CDH13: variants seen among roughly 807,000 people sequenced by gnomAD.
CDH13 encodes the protein cadherin-13.
A neutral mutation model predicts 63.8 loss-of-function variants in CDH13; 24 were observed. That is an observed-to-expected ratio of 0.38 (90% CI 0.27 to 0.53). The LOEUF is 0.53. CDH13 is among the 20% of genes least tolerant of loss of function. The pLI, the probability that CDH13 is intolerant of heterozygous loss-of-function variation, is 0.85. For synonymous variants in CDH13, 503 were observed against 355.3 expected (o/e 1.42, Z -4.67); for missense variants, 1,049 against 903.1 (o/e 1.16, Z -2.07).
rs115094183 is a variant in CDH13, at chr16:83,561,159, A to G, written c.961-41295A>G. Among the ~76,000 whole-genome samples the G allele has an allele frequency of 6.7e-3, 1,017 of 152,074 alleles. 16 individuals carry two copies. The highest frequency in any genetic ancestry group is 0.023 in the African/African-American group (972 of 41,478). On this transcript the variant is annotated intron_variant, in intron 7 of 13. Coordinates refer to ENST00000567109, the MANE Select transcript of CDH13 (RefSeq NM_001257.5). ...TTCTTCTCTCATTCCTTCAAAAGAG[A>G]CTTCAGGCCGGGCGCAGTGGCTCAC...
chr16:82,825,104 C>T (rs991623934), intron 1 of CDH13: 1 of 152,184 alleles, frequency 6.6e-6, no homozygotes, highest in African/African-American at 2.4e-5. Context: ...AGAAGTTCAT[C>T]ATACGAATCT....
intron 1 of CDH13, among the ~76,000 whole-genome samples, chr16:82,648,857 A>T (rs545554508): frequency 1.3e-5 from 2 of 152,358 alleles, no homozygotes; most frequent in Non-Finnish European, 2.9e-5. Context: ...AGAAAAATTA[A>T]TCTGGGGGCA....
intron 1 of CDH13, among the ~76,000 whole-genome samples, chr16:82,638,083 C>T (rs1908907444): frequency 6.6e-6 from 1 of 152,184 alleles, no homozygotes; most frequent in Non-Finnish European, 1.5e-5. Flanking sequence ...TCCTTTGCTC[C>T]TTTGCTTCCT....
intron 1 of CDH13, among the ~76,000 whole-genome samples, chr16:82,643,308 C>T (rs1909647690): frequency 6.6e-6 from 1 of 152,228 alleles, no homozygotes; most frequent in Non-Finnish European, 1.5e-5. Flanking sequence ...CACACACCAC[C>T]TGTCTTACAG....
chr16:83,225,165 G>C (rs141570547), intron 5 of CDH13, among the ~76,000 whole-genome samples: 1 of 152,274 alleles, frequency 6.6e-6, no homozygotes, highest in Non-Finnish European at 1.5e-5. Flanking sequence ...GCTCACTGTA[G>C]TTGGAGGAAC....
At chr16:82,830,079 AT>A (rs2038459633) in intron 1 of CDH13, among the ~76,000 whole-genome samples, 1 of 152,180 alleles carries the variant, frequency 6.6e-6, no homozygotes, top group African/African-American at 2.4e-5. Context: ...TAAAAATGTT[AT>A]TGTTACTACT....
intron 2 of CDH13, among the ~76,000 whole-genome samples, chr16:82,865,276 C>G (rs571146576): frequency 6.6e-6 from 1 of 152,324 alleles, no homozygotes; most frequent in African/African-American, 2.4e-5. Context: ...AGGCTGTGCC[C>G]CAGTGGGGAC....
At chr16:82,687,598 C>G (rs1332517679) in intron 1 of CDH13, among the ~76,000 whole-genome samples, 1 of 152,162 alleles carries the variant, frequency 6.6e-6, no homozygotes, top group Non-Finnish European at 1.5e-5. Context: ...GACTTATTCA[C>G]TATCACAAGA....
At chr16:83,576,590 A>G (rs1040852889) in intron 7 of CDH13, among the ~76,000 whole-genome samples, 1 of 152,242 alleles carries the variant, frequency 6.6e-6, no homozygotes, top group African/African-American at 2.4e-5. Context: ...GGTATTACAC[A>G]TAGCAGTGAT....
chr16:82,948,992 T>G (rs542454607), intron 2 of CDH13, among the ~76,000 whole-genome samples: 1 of 152,318 alleles, frequency 6.6e-6, no homozygotes, highest in Non-Finnish European at 1.5e-5. Context: ...GTAAACATCT[T>G]TCAACTCTAC....
In CDH13 at chr16:83,482,416, A is replaced by G. The variant is rs76956717; in HGVS notation, c.782-4061A>G. ...TGCAGAGAGACACCCTCTCTTGGAG[A>G]TTGATGCTGTAAGCGTGCTTAATAG... On this transcript the variant is annotated intron_variant, in intron 6 of 13. Coordinates refer to ENST00000567109, the MANE Select transcript of CDH13 (RefSeq NM_001257.5). Among the ~76,000 whole-genome samples, 1,209 of 152,276 alleles carry G rather than the reference A, an allele frequency of 7.9e-3. 9 individuals carry two copies. Among genetic ancestry groups the G allele is most frequent in the African/African-American group, 0.027 (1,119 of 41,538 alleles).
intron 11 of CDH13, among the ~76,000 whole-genome samples, chr16:83,776,264 T>C (rs757187802): frequency 6.6e-6 from 1 of 152,228 alleles, no homozygotes; most frequent in African/African-American, 2.4e-5. Context: ...CTTGTCTTCA[T>C]AATATATTCA....
intron 10 of CDH13, among the ~76,000 whole-genome samples, chr16:83,722,239 A>C (rs1461789532): frequency 6.6e-6 from 1 of 152,234 alleles, no homozygotes; most frequent in Middle Eastern, 3.2e-3. Flanking sequence ...CATCCCTGAA[A>C]TGGCAATAGT....
At chr16:83,614,976 C>A (rs1909163614) in intron 8 of CDH13, among the ~76,000 whole-genome samples, 1 of 152,120 alleles carries the variant, frequency 6.6e-6, no homozygotes, top group African/African-American at 2.4e-5. Flanking sequence ...GAAAGCTAAA[C>A]TTTTCTTTCT....
At chr16:82,786,815 C>T (rs1443128918) in intron 1 of CDH13, among the ~76,000 whole-genome samples, 2 of 152,072 alleles carry the variant, frequency 1.3e-5, no homozygotes, top group Non-Finnish European at 1.5e-5. Flanking sequence ...TCATTCATGT[C>T]CCTACAAAGG....
At chr16:83,571,176 T>C (rs920603760) in intron 7 of CDH13, among the ~76,000 whole-genome samples, 5 of 151,998 alleles carry the variant, frequency 3.3e-5, no homozygotes, top group Non-Finnish European at 5.9e-5. Context: ...AATTTCCCAG[T>C]GGAAATCTTC....
chr16:82,909,628 G>C (rs1258436881), intron 2 of CDH13, among the ~76,000 whole-genome samples: 1 of 152,218 alleles, frequency 6.6e-6, no homozygotes, highest in Admixed American at 6.5e-5. Flanking sequence ...GCAGGCAAGA[G>C]AGCTCATGCA....
chr16:82,690,644 C>A (rs1410067383), intron 1 of CDH13, among the ~76,000 whole-genome samples: 1 of 152,148 alleles, frequency 6.6e-6, no homozygotes, highest in Non-Finnish European at 1.5e-5. Flanking sequence ...ATATAGGTGA[C>A]CATTGTACCC....
chr16:83,078,474 T>C (rs2033010046), intron 3 of CDH13, among the ~76,000 whole-genome samples: 1 of 152,240 alleles, frequency 6.6e-6, no homozygotes, highest in African/African-American at 2.4e-5. Flanking sequence ...TTGTACTTTG[T>C]ACTCCTATAA....
Sources: allele counts gnomAD v4.1 joint callset (sites outside exome capture counted in the v4.1 genomes callset), GRCh38; gene constraint gnomAD v4.1.1; transcripts MANE v1.5; gene names NCBI Gene and HGNC (gene_info 2026-07-23, HGNC 2026-07-21).